The following TTLL8 variants were observed in gnomAD, a reference collection of about 807,000 sequenced individuals.
TTLL8 encodes the protein protein monoglycylase TTLL8.
A neutral mutation model predicts 77.8 loss-of-function variants in TTLL8; 65 were observed. The observed-to-expected ratio is 0.84, with a 90% CI of 0.68 to 1.03. The LOEUF (loss-of-function observed/expected upper bound fraction) is 1.03, where lower values mean the gene tolerates loss of function less well. TTLL8 is among the 50% of genes least tolerant of loss of function. The pLI is 0.00. For synonymous variants in TTLL8, 402 were observed against 422.8 expected, an observed-to-expected ratio of 0.95 and a Z score of 0.60; for missense variants, 910 against 1,004.5, an observed-to-expected ratio of 0.91 and a Z score of 1.27.
chr22:50,050,917 G>A (rs1408883429), intron 1 of TTLL8, among the ~76,000 whole-genome samples: 1 of 152,196 alleles, frequency 6.6e-6, no homozygotes, highest in African/African-American at 2.4e-5. Flanking sequence ...CAGTTCTTAA[G>A]ACGCGAGTCT....
At chr22:50,043,943 C>T (rs534992791) in intron 6 of TTLL8, among the ~76,000 whole-genome samples, 9 of 152,236 alleles carry the variant, frequency 5.9e-5, no homozygotes, top group East Asian at 3.9e-4. Context: ...GGTGGATACA[C>T]GGCATCATAC....
chr22:50,018,772 A>G (rs1201836373), intron 12 of TTLL8, among the ~76,000 whole-genome samples: 1 of 152,178 alleles, frequency 6.6e-6, no homozygotes, highest in African/African-American at 2.4e-5. Context: ...TGCTGCAGAG[A>G]ATCTGACGCT....
At chr22:50,057,769 C>A (rs1275698480), upstream of TTLL8, among the ~76,000 whole-genome samples, 17 of 30,722 alleles carry the variant, frequency 5.5e-4, no homozygotes, top group African/African-American at 2.6e-3. Context: ...AGGTCTAGGT[C>A]GAGGGGGAGG....
At chr22:50,054,596 T>A in exon 1 of TTLL8, 1 of 248,518 alleles carries the variant, frequency 4.0e-6, no homozygotes, top group South Asian at 6.0e-5. Context: ...TCTGAGTACC[T>A]GGAAGTCTGT....
chr22:50,036,436 A>G (rs956727791), intron 8 of TTLL8, among the ~76,000 whole-genome samples: 6 of 152,128 alleles, frequency 3.9e-5, no homozygotes, highest in African/African-American at 1.4e-4. Context: ...ACACTCGTGT[A>G]CACACCACCC....
intron 1 of TTLL8, chr22:50,054,523 A>G (rs12166717): frequency 0.13 from 23,396 of 184,354 alleles, 1,609 homozygotes; most frequent in South Asian, 0.2. Context: ...CTGCACACAC[A>G]GGTGGAGGCA....
At chr22:50,029,378 G>A (rs1420540218) in intron 12 of TTLL8, among the ~76,000 whole-genome samples, 2 of 129,950 alleles carry the variant, frequency 1.5e-5, no homozygotes, top group African/African-American at 2.9e-5. Flanking sequence ...ACACACCCTC[G>A]TAAAGACCCC....
chr22:50,042,458 G>A (rs1269972311), intron 6 of TTLL8, among the ~76,000 whole-genome samples: 1 of 152,070 alleles, frequency 6.6e-6, no homozygotes, highest in Non-Finnish European at 1.5e-5. Context: ...TTACAGGTGT[G>A]TGCCACCTTA....
chr22:50,035,255 C>T (rs191188908), intron 8 of TTLL8, among the ~76,000 whole-genome samples: 36 of 152,254 alleles, frequency 2.4e-4, no homozygotes, highest in African/African-American at 7.7e-4. Flanking sequence ...GGAGTGAGAG[C>T]CAGTGGGGCT....
intron 8 of TTLL8, among the ~76,000 whole-genome samples, chr22:50,036,088 G>A (rs2061334385): frequency 6.6e-6 from 1 of 152,238 alleles, no homozygotes. Flanking sequence ...GCCTCCAGAT[G>A]CTGACGGCGA....
At chr22:50,031,003 A>T (rs2061287181) in intron 11 of TTLL8, 78 bp from the exon 13 acceptor site, 13 of 1,204,200 alleles carry the variant, frequency 1.1e-5, no homozygotes, top group Non-Finnish European at 1.4e-5. Context: ...TCTGTGCAGG[A>T]GGGGCTGGTC....
At chr22:50,051,536 A>G (rs1328652108) in intron 1 of TTLL8, among the ~76,000 whole-genome samples, 2 of 152,190 alleles carry the variant, frequency 1.3e-5, no homozygotes, top group Non-Finnish European at 2.9e-5. Flanking sequence ...ACTTCTTATC[A>G]TCTGGGTAGA....
At position 50,044,100 on chromosome 22, in the gene TTLL8, G is replaced by A. The variant is rs540937794; in HGVS notation, c.643+1155C>T. The stretch of plus-strand genomic sequence containing the variant: ...AGCACTGTGGGAGGCCGAGGTGGGC[G>A]GATCACCTGAAGTCAGGAGTTCGAG... On this transcript the variant is annotated intron_variant, in intron 6 of 13. Transcript: ENST00000266182. This position sits in a 1 kb window ranked among gnomAD's most constrained non-coding sequence, Gnocchi z 4.2. 2.6e-5 allele frequency among the ~76,000 whole-genome samples: 4 copies of A among 152,246 alleles called. No individual in the cohort carries two copies. Among genetic ancestry groups the A allele is most frequent in the East Asian group, 1.9e-4 (1 of 5,184 alleles).
chr22:50,056,592 C>T (rs1232340273), upstream of TTLL8, among the ~76,000 whole-genome samples: 1 of 152,288 alleles, frequency 6.6e-6, no homozygotes, highest in Non-Finnish European at 1.5e-5. The surrounding 1 kb of genome is among the most constrained non-coding windows in gnomAD (Gnocchi z 4.1). Flanking sequence ...CTCCACGACC[C>T]GCCAGGAGAG....
chr22:50,043,569 C>T (rs1304655805), intron 6 of TTLL8, among the ~76,000 whole-genome samples: 5 of 147,016 alleles, frequency 3.4e-5, no homozygotes, highest in African/African-American at 1.2e-4. Context: ...ACAGTGGTGC[C>T]AACATGTTCT....
chr22:50,021,628 A>AATG (rs2061201069), intron 12 of TTLL8, among the ~76,000 whole-genome samples: 1 of 90,996 alleles, frequency 1.1e-5, no homozygotes, highest in Non-Finnish European at 2.1e-5. Context: ...TCCATCTGAC[A>AATG]TGCACTCCTC....
chr22:50,033,206 C>T (rs372684865), exon 10 of TTLL8: 1 of 1,348,084 alleles, frequency 7.4e-7, no homozygotes, highest in South Asian at 1.2e-5. Flanking sequence ...ACTGACCTGT[C>T]CAGCTTGTCC....
At position 50,045,399 on chromosome 22, in the gene TTLL8, C is replaced by T. The variant is rs1380239541; in HGVS notation, c.509-10G>A. 4 of 1,364,724 alleles carry T rather than the reference C, an allele frequency of 2.9e-6. No individual in the cohort carries two copies. The highest frequency in any genetic ancestry group is 2.9e-5 in the African/African-American group (2 of 67,864). The allele number at this position is 1,364,724 out of a possible 1,614,324, so 84.5% of individuals were successfully genotyped here. A position where few individuals can be genotyped will look rare whatever the true frequency, so the allele number is the denominator to read the frequency against. On this transcript the variant is annotated splice_polypyrimidine_tract_variant and intron_variant, in intron 5 of 13. Coordinates refer to ENST00000266182, the Ensembl canonical transcript of TTLL8. ...GTGCGCCGGAAGTCTTCTGAAAGGA[C>T]AGCACAGCCTCGCCCTATCTGTCCG...
intron 12 of TTLL8, among the ~76,000 whole-genome samples, chr22:50,022,619 T>TTCCTCCATCTGACGACGTGCAC: frequency 7.1e-6 from 1 of 141,824 alleles, no homozygotes; most frequent in African/African-American, 2.6e-5. Flanking sequence ...CTGATGCGCA[T>TTCCTCCATCTGACGACGTGCAC]TCCTCCATCT....
Sources: gnomAD v4.1 joint callset for allele counts (sites outside exome capture counted in the v4.1 genomes callset) on GRCh38, gnomAD v4.1.1 for gene constraint, Gnocchi (gnomAD v3.1) non-coding constraint, MANE v1.5 for transcripts, NCBI Gene and HGNC (gene_info 2026-07-23, HGNC 2026-07-21) for gene names.